UBAC2: variants seen among roughly 807,000 people sequenced by gnomAD.
The protein encoded by UBAC2 is UBA domain containing 2.
A neutral mutation model predicts 44.0 loss-of-function variants in UBAC2; 26 were observed. The ratio of observed to expected loss-of-function variants is 0.59; its 90% CI spans 0.43 to 0.82. The LOEUF (loss-of-function observed/expected upper bound fraction) is 0.82. Ranked by LOEUF, UBAC2 falls within the 40% of genes least tolerant of loss-of-function variation. The probability of loss-of-function intolerance (pLI) is 0.00; values close to 1 mark genes in which losing one functional copy is unlikely to be tolerated. For missense variants in UBAC2, 329 were observed against 419.4 expected (o/e 0.78, Z 1.88); for synonymous variants, 155 against 154.3 (o/e 1.00, Z -0.04).
chr13:99,287,256 G>A (rs1221007402), intron 4 of UBAC2, among the ~76,000 whole-genome samples: 2 of 151,954 alleles, frequency 1.3e-5, no homozygotes, highest in African/African-American at 4.8e-5. Context: ...GTATCTCTAC[G>A]GGCCTCCCCA....
chr13:99,209,683 A>T (rs565698178), intron 1 of UBAC2, among the ~76,000 whole-genome samples: 4 of 152,164 alleles, frequency 2.6e-5, no homozygotes, highest in Non-Finnish European at 5.9e-5. Flanking sequence ...ACTCTTCATA[A>T]ATTTTAGCGG....
At chr13:99,376,135 T>G (rs1250582558) in intron 8 of UBAC2, among the ~76,000 whole-genome samples, 3 of 152,024 alleles carry the variant, frequency 2.0e-5, no homozygotes, top group African/African-American at 7.3e-5. Flanking sequence ...ATCTCTAGGG[T>G]GTTTTCCTCA....
intron 4 of UBAC2, chr13:99,255,689 T>C (rs889501425): frequency 1.9e-6 from 3 of 1,613,912 alleles, no homozygotes; most frequent in Admixed American, 1.7e-5. Flanking sequence ...GCCACATTCA[T>C]CATATAGATG....
chr13:99,260,091 G>C (rs952998653), intron 4 of UBAC2, among the ~76,000 whole-genome samples: 69 of 152,064 alleles, frequency 4.5e-4, no homozygotes, highest in African/African-American at 1.6e-3. Context: ...CCTCACCACT[G>C]TCTCCCACCT....
intron 7 of UBAC2, among the ~76,000 whole-genome samples, chr13:99,344,263 C>T (rs550333468): frequency 6.6e-6 from 1 of 152,290 alleles, no homozygotes; most frequent in East Asian, 1.9e-4. Flanking sequence ...CCAGCTGTGT[C>T]TGACTCTGAG....
intron 8 of UBAC2, among the ~76,000 whole-genome samples, chr13:99,382,933 G>A (rs141373407): frequency 1.8e-3 from 272 of 152,310 alleles, no homozygotes; most frequent in African/African-American, 6.3e-3. Flanking sequence ...GGTTGAGGGA[G>A]GAAGGAGAGG....
chr13:99,334,312 A>G (rs2044756960), intron 6 of UBAC2, among the ~76,000 whole-genome samples: 2 of 152,176 alleles, frequency 1.3e-5, no homozygotes, highest in African/African-American at 2.4e-5. Flanking sequence ...GACAGAAGTA[A>G]CGCAGTGGAT....
intron 4 of UBAC2, chr13:99,255,411 G>A (rs1170275724): frequency 6.2e-7 from 1 of 1,614,118 alleles, no homozygotes; most frequent in Admixed American, 1.7e-5. Context: ...GTAGCAGAGG[G>A]GTGGTCGTGG....
At chr13:99,208,564 A>C (rs1438296442) in intron 1 of UBAC2, among the ~76,000 whole-genome samples, 1 of 152,246 alleles carries the variant, frequency 6.6e-6, no homozygotes, top group African/African-American at 2.4e-5. Flanking sequence ...TTAACACTTC[A>C]GTCTTCATTC....
chr13:99,241,541 A>G, intron 2 of UBAC2, among the ~76,000 whole-genome samples: 1 of 152,192 alleles, frequency 6.6e-6, no homozygotes, highest in East Asian at 1.9e-4. Context: ...TAATATAAGC[A>G]AATTCATAGA....
At chr13:99,318,695 C>T (rs1247241057) in intron 6 of UBAC2, among the ~76,000 whole-genome samples, 1 of 151,166 alleles carries the variant, frequency 6.6e-6, no homozygotes, top group Non-Finnish European at 1.5e-5. Flanking sequence ...GTGGCAGGCG[C>T]CTGTAGTCCC....
chr13:99,311,240 G>T (rs1158069753), intron 4 of UBAC2, among the ~76,000 whole-genome samples: 1 of 152,140 alleles, frequency 6.6e-6, no homozygotes, highest in Non-Finnish European at 1.5e-5. Context: ...AAGTGCTGTG[G>T]GGGAGGACAG....
At chr13:99,269,581 A>G (rs1443773513) in intron 4 of UBAC2, among the ~76,000 whole-genome samples, 1 of 152,250 alleles carries the variant, frequency 6.6e-6, no homozygotes, top group Non-Finnish European at 1.5e-5. Flanking sequence ...TTAAAGAGGA[A>G]TAGAATGAGA....
intron 8 of UBAC2, among the ~76,000 whole-genome samples, chr13:99,371,247 A>G (rs2045402839): frequency 6.6e-6 from 1 of 152,132 alleles, no homozygotes; most frequent in African/African-American, 2.4e-5. Flanking sequence ...TTAAAACAGT[A>G]CTTAATTTCT....
intron 8 of UBAC2, among the ~76,000 whole-genome samples, chr13:99,378,716 G>C (rs2045513739): frequency 6.6e-6 from 1 of 152,178 alleles, no homozygotes; most frequent in Non-Finnish European, 1.5e-5. Context: ...GTTGTGTCAG[G>C]CTTGCATAGC....
At chr13:99,375,198 G>GA (rs1391127230) in intron 8 of UBAC2, among the ~76,000 whole-genome samples, 4 of 152,188 alleles carry the variant, frequency 2.6e-5, no homozygotes, top group African/African-American at 9.7e-5. Context: ...CGAGGCTCTA[G>GA]ACACAGTTGG....
chr13:99,250,041 C>T (rs374398623), intron 4 of UBAC2, among the ~76,000 whole-genome samples: 142 of 152,244 alleles, frequency 9.3e-4, no homozygotes, highest in African/African-American at 3.2e-3. Context: ...GTTTATTTTG[C>T]TGTGCAGAAG....
At chr13:99,372,759 A>G (rs1031579124) in intron 8 of UBAC2, 10 of 152,482 alleles carry the variant, frequency 6.6e-5, no homozygotes, top group Admixed American at 5.9e-4. Flanking sequence ...TGCCAAGCCA[A>G]AGACCACTTG....
intron 4 of UBAC2, among the ~76,000 whole-genome samples, chr13:99,246,624 C>T (rs2043386865): frequency 6.6e-6 from 1 of 152,172 alleles, no homozygotes; most frequent in Admixed American, 6.5e-5. Flanking sequence ...GACAGTAGAA[C>T]TTTCATATTC....
Sources: allele counts gnomAD v4.1 joint callset (sites outside exome capture counted in the v4.1 genomes callset), GRCh38; gene constraint gnomAD v4.1.1; transcripts MANE v1.5; gene names NCBI Gene and HGNC (gene_info 2026-07-23, HGNC 2026-07-21).